The following NCAM2 variants were observed in gnomAD, a reference collection of about 807,000 sequenced individuals.
NCAM2 encodes N-CAM-2.
NCAM2 carries 30 observed loss-of-function variants against 98.1 expected under a neutral mutation model. The observed-to-expected ratio is 0.31, with a 90% CI of 0.23 to 0.41. The LOEUF (loss-of-function observed/expected upper bound fraction) is 0.41. Ranked by LOEUF, NCAM2 falls within the 10% of genes least tolerant of loss-of-function variation. The pLI is 1.00. For synonymous variants in NCAM2, 368 were observed against 342.4 expected (o/e 1.07, Z -0.83); for missense variants, 867 against 1,005.8 (o/e 0.86, Z 1.87).
intron 6 of NCAM2, among the ~76,000 whole-genome samples, chr21:21,326,445 A>C (rs2074513451): frequency 6.6e-6 from 1 of 152,056 alleles, no homozygotes; most frequent in Non-Finnish European, 1.5e-5. Context: ...CTGCAGCACA[A>C]CCCTTTCAAA....
intron 1 of NCAM2, among the ~76,000 whole-genome samples, chr21:21,052,149 C>CTTTTTTTTTTTTTT (rs2065121901): frequency 1.8e-5 from 2 of 109,934 alleles, no homozygotes; most frequent in African/African-American, 7.5e-5. Context: ...TCATGATGGC[C>CTTTTTTTTTTTTTT]ATTTTTTTTT....
chr21:21,239,021 A>C (rs1231226055), intron 1 of NCAM2, among the ~76,000 whole-genome samples: 1 of 152,154 alleles, frequency 6.6e-6, no homozygotes, highest in Non-Finnish European at 1.5e-5. Flanking sequence ...AGAATATTTC[A>C]AAACGTTGTC....
intron 1 of NCAM2, among the ~76,000 whole-genome samples, chr21:21,158,036 T>C (rs995805605): frequency 8.5e-5 from 13 of 152,182 alleles, no homozygotes; most frequent in African/African-American, 3.1e-4. Flanking sequence ...CCGTGTAATC[T>C]TCGGAAATTT....
At chr21:21,404,513 A>G (rs2076697050) in intron 9 of NCAM2, among the ~76,000 whole-genome samples, 1 of 152,126 alleles carries the variant, frequency 6.6e-6, no homozygotes, top group South Asian at 2.1e-4. Context: ...TGAGGCCTCA[A>G]CAGCCAAGTG....
chr21:21,239,969 C>G (rs931002738), intron 1 of NCAM2, among the ~76,000 whole-genome samples: 3 of 152,052 alleles, frequency 2.0e-5, no homozygotes, highest in Non-Finnish European at 4.4e-5. Flanking sequence ...CTCTGTCTCT[C>G]TCCCCCTCTC....
intron 1 of NCAM2, among the ~76,000 whole-genome samples, chr21:21,234,868 A>C (rs1156892414): frequency 6.6e-6 from 1 of 152,060 alleles, no homozygotes; most frequent in African/African-American, 2.4e-5. Context: ...ATTGTTCAGT[A>C]GATTCTTTTT....
chr21:21,413,111 T>A (rs1483206445), intron 10 of NCAM2, among the ~76,000 whole-genome samples: 2 of 152,290 alleles, frequency 1.3e-5, no homozygotes, highest in Non-Finnish European at 1.5e-5. Context: ...TAAATGCCTC[T>A]GTAATCTGTA....
intron 6 of NCAM2, among the ~76,000 whole-genome samples, chr21:21,335,248 C>T (rs549462780): frequency 2.8e-4 from 42 of 151,844 alleles, no homozygotes; most frequent in Non-Finnish European, 4.1e-4. Flanking sequence ...ATACTTTTTG[C>T]CTGGTAACTA....
At chr21:21,399,951 G>T (rs966033010) in intron 9 of NCAM2, among the ~76,000 whole-genome samples, 11 of 152,230 alleles carry the variant, frequency 7.2e-5, no homozygotes, top group African/African-American at 2.6e-4. Flanking sequence ...ATCTCATACT[G>T]CAGGAGAATG....
chr21:21,173,182 A>ATT (rs1476640026), intron 1 of NCAM2, among the ~76,000 whole-genome samples: 20 of 152,188 alleles, frequency 1.3e-4, no homozygotes, highest in Admixed American at 1.3e-3. Flanking sequence ...ACACAAGAAA[A>ATT]TTTAACTACT....
chr21:21,021,706 A>G (rs2146188401), intron 1 of NCAM2, among the ~76,000 whole-genome samples: 1 of 152,306 alleles, frequency 6.6e-6, no homozygotes, highest in African/African-American at 2.4e-5. Flanking sequence ...CTCAAGCCAT[A>G]CTTAATTTTT....
intron 15 of NCAM2, among the ~76,000 whole-genome samples, chr21:21,508,432 GT>G (rs1229662995): frequency 6.6e-6 from 1 of 151,924 alleles, no homozygotes. Context: ...TTTCACAGAA[GT>G]TTTGATTATA....
chr21:21,180,450 A>C lies in NCAM2; in HGVS notation c.56-100128A>C, dbSNP rs149850790. On this transcript the variant is annotated intron_variant, in intron 1 of 17. Transcript: ENST00000400546. ...TTATAGATTGTTTCCTCACTTTGTT[A>C]ATTGTCACTCTTACAAGATTCAATT... is the stretch of plus-strand genomic sequence containing the variant. Among the ~76,000 whole-genome samples the C allele has an allele frequency of 1.4e-3, 212 of 152,198 alleles. 2 individuals are homozygous for C. The highest frequency in any genetic ancestry group is 1.9e-3 in the Non-Finnish European group (132 of 67,982).
At chr21:21,296,584 G>A (rs1443559695) in intron 5 of NCAM2, among the ~76,000 whole-genome samples, 3 of 151,694 alleles carry the variant, frequency 2.0e-5, no homozygotes, top group African/African-American at 4.8e-5. Flanking sequence ...TTAAAAACCT[G>A]ATTTATGGGA....
intron 1 of NCAM2, among the ~76,000 whole-genome samples, chr21:21,080,326 A>G (rs1048301282): frequency 6.6e-6 from 1 of 152,134 alleles, no homozygotes; most frequent in African/African-American, 2.4e-5. Flanking sequence ...CCCCAATTAA[A>G]GACTTCCTGG....
chr21:21,503,639 A>ATAT (rs1452024758), intron 15 of NCAM2, among the ~76,000 whole-genome samples: 1 of 151,964 alleles, frequency 6.6e-6, no homozygotes, highest in African/African-American at 2.4e-5. Context: ...GGACTACTGT[A>ATAT]TATAAGACAT....
intron 1 of NCAM2, among the ~76,000 whole-genome samples, chr21:21,219,523 T>C (rs781279933): frequency 9.9e-5 from 15 of 152,240 alleles, no homozygotes; most frequent in Admixed American, 2.0e-4. Flanking sequence ...AAACACATTA[T>C]TCATGTGTTT....
chr21:21,133,318 A>T (rs893254519), intron 1 of NCAM2, among the ~76,000 whole-genome samples: 3 of 152,196 alleles, frequency 2.0e-5, no homozygotes, highest in African/African-American at 7.2e-5. Context: ...TGGAGTTTAC[A>T]CTAACACTCG....
At chr21:21,130,317 A>G (rs1222789489) in intron 1 of NCAM2, among the ~76,000 whole-genome samples, 1 of 152,172 alleles carries the variant, frequency 6.6e-6, no homozygotes, top group Non-Finnish European at 1.5e-5. Flanking sequence ...TGGGGAAATT[A>G]ATATTGTCAA....
Sources: allele counts gnomAD v4.1 joint callset (sites outside exome capture counted in the v4.1 genomes callset), GRCh38; gene constraint gnomAD v4.1.1; transcripts MANE v1.5; gene names NCBI Gene and HGNC (gene_info 2026-07-23, HGNC 2026-07-21).